Variants in ADCY5 observed in about 807,000 individuals in gnomAD.
The protein encoded by ADCY5 is adenylate cyclase 5.
Under a neutral mutation model 119.7 loss-of-function variants are expected in ADCY5, and 30 were observed. The ratio of observed to expected loss-of-function variants is 0.25; its 90% CI spans 0.19 to 0.34. ADCY5 has a LOEUF of 0.34. ADCY5 is among the 10% of genes least tolerant of loss of function. The probability of loss-of-function intolerance (pLI) is 1.00; values close to 1 mark genes in which losing one functional copy is unlikely to be tolerated. For missense variants in ADCY5, 1,324 were observed against 1,775.2 expected (o/e 0.75, Z 4.57); for synonymous variants, 753 against 762.2 (o/e 0.99, Z 0.20).
At chr3:123,346,239 G>C (rs1310576751) in intron 3 of ADCY5, among the ~76,000 whole-genome samples, 1 of 152,214 alleles carries the variant, frequency 6.6e-6, no homozygotes, top group Non-Finnish European at 1.5e-5. Context: ...GCTCAAGCCC[G>C]GAAGTCCGGC....
rs1939583605 is a variant in ADCY5, at chr3:123,297,362, G to T, written c.2921C>A (p.Thr974Asn). ...AGGAGCATCAACTCACCACTGGGAG[G>T]TCCCGTTGTTGAAGAAGTCTCTGTG... ...ANAIDFFNNG[T>N]SQCPEHATKV... is the part of the protein sequence containing the mutation. Residue 974 changes from threonine to asparagine, a missense_variant, in exon 16 of 21, where the codon ACC becomes AAC. By Grantham distance (65) the Thr-to-Asn change is moderately conservative. Transcript: ENST00000462833. The T allele has an allele frequency of 5.0e-6, 8 of 1,613,884 alleles. No individual in the cohort carries two copies. In the South Asian group the frequency reaches 8.8e-5, roughly 18 times the overall value.
chr3:123,290,388 C>T (rs1410216731), intron 18 of ADCY5, among the ~76,000 whole-genome samples: 3 of 152,206 alleles, frequency 2.0e-5, no homozygotes, highest in East Asian at 1.9e-4. Context: ...TCCACTGCCC[C>T]GGGAGTCTTG....
chr3:123,378,008 A>G (rs1263567512), intron 1 of ADCY5, among the ~76,000 whole-genome samples: 2 of 152,112 alleles, frequency 1.3e-5, no homozygotes, highest in Non-Finnish European at 2.9e-5. Flanking sequence ...AAAACAATCA[A>G]ACTGGTATGA....
intron 1 of ADCY5, among the ~76,000 whole-genome samples, chr3:123,358,004 C>T (rs1432539958): frequency 6.6e-6 from 1 of 152,210 alleles, no homozygotes; most frequent in Non-Finnish European, 1.5e-5. Flanking sequence ...TAAGTATAAA[C>T]CCTGTCCTTG....
Position 123,332,688 on chromosome 3 carries a change from CAGA to C in ADCY5, c.1407-16_1407-14del. 1 of 1,570,650 alleles carries C rather than the reference CAGA, an allele frequency of 6.4e-7. No individual in the cohort carries two copies. Among genetic ancestry groups the C allele is most frequent in the Admixed American group, 1.7e-5 (1 of 59,646 alleles). On this transcript the variant is annotated splice_polypyrimidine_tract_variant and intron_variant, in intron 3 of 20. Transcript: ENST00000462833. ...AGCAAACAGGATGCTGGGGGACAGG[CAGA>C]GGAGGAAGACCCTGCTATAGGCTGA...
intron 15 of ADCY5, among the ~76,000 whole-genome samples, chr3:123,298,933 G>A (rs1183872439): frequency 6.8e-6 from 1 of 146,298 alleles, no homozygotes; most frequent in Non-Finnish European, 1.5e-5. Context: ...TACTACTATG[G>A]GCGTTGATAA....
intron 3 of ADCY5, among the ~76,000 whole-genome samples, chr3:123,343,921 C>T (rs1942399130): frequency 6.6e-6 from 1 of 152,206 alleles, no homozygotes; most frequent in Non-Finnish European, 1.5e-5. Flanking sequence ...TAAGTGTCTC[C>T]GGGGTCTCCA....
intron 12 of ADCY5, among the ~76,000 whole-genome samples, chr3:123,305,761 T>C (rs908297876): frequency 1.3e-5 from 2 of 152,146 alleles, no homozygotes; most frequent in African/African-American, 4.8e-5. Context: ...GCTGTGTGCA[T>C]AGGGAGGGTG....
At position 123,319,707 on chromosome 3, in the gene ADCY5, G is replaced by A; in HGVS notation, c.2223C>T (p.Leu741=). 6.2e-7 allele frequency: 1 copy of A among 1,614,244 alleles called. No individual in the cohort carries two copies. Among genetic ancestry groups the A allele is most frequent in the Non-Finnish European group, 8.5e-7 (1 of 1,180,036 alleles). Residue 741 remains leucine, a synonymous_variant, in exon 10 of 21, where the codon CTC becomes CTT. Coordinates refer to ENST00000462833, the MANE Select transcript of ADCY5 (RefSeq NM_183357.3). ...RLRSEHVRKF[L]LTFREPDLEK... ...CTAAGTCAGGCTCCCTGAAGGTCAG[G>A]AGGAACTTGCGGACGTGCTCAGACC...
intron 1 of ADCY5, among the ~76,000 whole-genome samples, chr3:123,395,858 G>A (rs550592590): frequency 2.7e-5 from 4 of 150,562 alleles, no homozygotes; most frequent in South Asian, 2.1e-4. Context: ...ACTCCAGACT[G>A]GGAAACAGAG....
At chr3:123,399,314 TC>T (rs1944690685) in intron 1 of ADCY5, among the ~76,000 whole-genome samples, 1 of 152,230 alleles carries the variant, frequency 6.6e-6, no homozygotes, top group Admixed American at 6.5e-5. Context: ...CTGTTTCTTT[TC>T]CCTTTTTAAA....
At chr3:123,386,656 C>T (rs1187829809) in intron 1 of ADCY5, among the ~76,000 whole-genome samples, 1 of 152,158 alleles carries the variant, frequency 6.6e-6, no homozygotes, top group South Asian at 2.1e-4. Flanking sequence ...GGGCCCAAAT[C>T]TGTTAGCCAA....
At chr3:123,446,134 AC>A (rs1422336648) in intron 1 of ADCY5, among the ~76,000 whole-genome samples, 4 of 152,102 alleles carry the variant, frequency 2.6e-5, no homozygotes, top group Non-Finnish European at 5.9e-5. Context: ...GTCACAGAGC[AC>A]CCTGCAGGTT....
rs756791481 is a variant in ADCY5, at chr3:123,331,052, T to G, written c.1519-36A>C. On this transcript the variant is annotated intron_variant, in intron 4 of 20. Coordinates refer to ENST00000462833, the MANE Select transcript of ADCY5 (RefSeq NM_183357.3). ...AATTAATTTTACAAATTAAAAATAG[T>G]AGGAAAGAGAAGTGGGAGGGAAAGA... 4 of 1,587,824 alleles carry G rather than the reference T, an allele frequency of 2.5e-6. No homozygotes were observed. In the African/African-American group the frequency reaches 4.1e-5, roughly 16 times the overall value.
chr3:123,422,799 C>T (rs1318074161), intron 1 of ADCY5, among the ~76,000 whole-genome samples: 1 of 152,184 alleles, frequency 6.6e-6, no homozygotes, highest in African/African-American at 2.4e-5. Flanking sequence ...CCATAAGGCT[C>T]CAGAAGAATC....
chr3:123,357,720 C>T (rs368328173), intron 1 of ADCY5, among the ~76,000 whole-genome samples: 2 of 152,216 alleles, frequency 1.3e-5, no homozygotes, highest in South Asian at 2.1e-4. Flanking sequence ...CACACACACA[C>T]TCACACCATC....
chr3:123,412,877 C>T (rs892991802), intron 1 of ADCY5, among the ~76,000 whole-genome samples: 4 of 152,194 alleles, frequency 2.6e-5, no homozygotes, highest in African/African-American at 7.2e-5. Flanking sequence ...TAAATAGCCC[C>T]GTCCAGGAAC....
At chr3:123,387,699 CCTTTCAACACA>C (rs1272438938) in intron 1 of ADCY5, among the ~76,000 whole-genome samples, 1 of 152,192 alleles carries the variant, frequency 6.6e-6, no homozygotes, top group Non-Finnish European at 1.5e-5. Context: ...AAAAGAATTT[CCTTTCAACACA>C]ACATTAATTA....
chr3:123,356,364 C>G (rs1943036917), intron 1 of ADCY5, among the ~76,000 whole-genome samples: 1 of 151,966 alleles, frequency 6.6e-6, no homozygotes, highest in Non-Finnish European at 1.5e-5. Flanking sequence ...AAAATACAAC[C>G]CACGGAATGG....
Sources: gnomAD v4.1 joint callset for allele counts (sites outside exome capture counted in the v4.1 genomes callset) on GRCh38, gnomAD v4.1.1 for gene constraint, MANE v1.5 for transcripts, NCBI Gene and HGNC (gene_info 2026-07-23, HGNC 2026-07-21) for gene names.